DNAJC3: variants seen among roughly 807,000 people sequenced by gnomAD.
DNAJC3 encodes the protein dnaJ homolog subfamily C member 3.
Under a neutral mutation model 68.6 loss-of-function variants are expected in DNAJC3, and 38 were observed. The ratio of observed to expected loss-of-function variants is 0.55; its 90% CI spans 0.43 to 0.73. The LOEUF (loss-of-function observed/expected upper bound fraction) is 0.73. DNAJC3 is among the 30% of genes least tolerant of loss of function. The pLI is 0.00. For synonymous variants in DNAJC3, 203 were observed against 204.0 expected, an observed-to-expected ratio of 1.00 and a Z score of 0.04; for missense variants, 526 against 591.9, an observed-to-expected ratio of 0.89 and a Z score of 1.16.
intron 7 of DNAJC3, among the ~76,000 whole-genome samples, chr13:95,762,572 A>G (rs780923023): frequency 7.2e-5 from 11 of 152,204 alleles, no homozygotes; most frequent in Non-Finnish European, 1.2e-4. Flanking sequence ...AGCACTTGGG[A>G]CAAATACATC....
At chr13:95,681,497 T>A (rs528124958) in intron 1 of DNAJC3, among the ~76,000 whole-genome samples, 35 of 152,116 alleles carry the variant, frequency 2.3e-4, no homozygotes, top group Admixed American at 7.9e-4. Flanking sequence ...ACCACAGGTA[T>A]GCACCACTGC....
intron 4 of DNAJC3, among the ~76,000 whole-genome samples, chr13:95,737,056 T>G (rs893207809): frequency 2.0e-5 from 3 of 151,672 alleles, no homozygotes; most frequent in Non-Finnish European, 4.4e-5. Flanking sequence ...GTCAAAGGCT[T>G]TTTCTGCATC....
chr13:95,768,208 A>G (rs571375107), intron 9 of DNAJC3, among the ~76,000 whole-genome samples: 1 of 152,104 alleles, frequency 6.6e-6, no homozygotes, highest in East Asian at 1.9e-4. Context: ...TTTACTTTTT[A>G]CTCTACTTAT....
chr13:95,743,199 A>AT (rs1168875498), intron 4 of DNAJC3, among the ~76,000 whole-genome samples: 1 of 152,186 alleles, frequency 6.6e-6, no homozygotes, highest in Non-Finnish European at 1.5e-5. Context: ...TAAAAGAAAA[A>AT]CTTTTGAGAA....
At chr13:95,764,645 C>T (rs57957498) in intron 9 of DNAJC3, among the ~76,000 whole-genome samples, 5 of 56,526 alleles carry the variant, frequency 8.8e-5, no homozygotes, top group Non-Finnish European at 1.3e-4. Flanking sequence ...AAATAGAATC[C>T]ATATATATAT....
intron 7 of DNAJC3, among the ~76,000 whole-genome samples, chr13:95,763,428 C>T (rs1828602713): frequency 6.6e-6 from 1 of 152,210 alleles, no homozygotes; most frequent in South Asian, 2.1e-4. Flanking sequence ...TGTCCATCTG[C>T]ATCTCCTATG....
chr13:95,783,269 A>G (rs1346817784), intron 9 of DNAJC3, among the ~76,000 whole-genome samples: 1 of 152,248 alleles, frequency 6.6e-6, no homozygotes, highest in African/African-American at 2.4e-5. Flanking sequence ...GAAACAACCT[A>G]TAATTTTACA....
At chr13:95,705,963 C>A (rs1880729948) in intron 1 of DNAJC3, among the ~76,000 whole-genome samples, 1 of 152,128 alleles carries the variant, frequency 6.6e-6, no homozygotes, top group African/African-American at 2.4e-5. Flanking sequence ...TCTCTCTAAA[C>A]CTTTGGATCC....
chr13:95,764,707 CAT>C lies in DNAJC3; in HGVS notation c.1075+764_1075+765del, dbSNP rs1199317118. Among the ~76,000 whole-genome samples, 251 of 49,640 alleles carry C rather than the reference CAT, an allele frequency of 5.1e-3. 1 individual carries two copies. Among genetic ancestry groups the C allele is most frequent in the African/African-American group, 0.011 (154 of 13,510 alleles). 32.6% of individuals were successfully genotyped at this position (49,640 alleles called of 152,430 possible). A position where few individuals can be genotyped will look rare whatever the true frequency, so the allele number is the denominator to read the frequency against. ...ATACACACACACACATATATATATA[CAT>C]ATATATATACACATATATATATATA... On this transcript the variant is annotated intron_variant, in intron 9 of 11. Transcript: ENST00000602402.
chr13:95,718,241 CTTGTA>C (rs1272754304), intron 2 of DNAJC3, among the ~76,000 whole-genome samples: 1 of 152,190 alleles, frequency 6.6e-6, no homozygotes, highest in Non-Finnish European at 1.5e-5. Flanking sequence ...GTTATCCAGT[CTTGTA>C]TTGGTAAAAA....
At chr13:95,768,138 A>G (rs990137087) in intron 9 of DNAJC3, among the ~76,000 whole-genome samples, 1 of 151,980 alleles carries the variant, frequency 6.6e-6, no homozygotes, top group Non-Finnish European at 1.5e-5. Flanking sequence ...TGCCATTTGT[A>G]TATTTTCTTT....
chr13:95,718,487 C>T (rs1485605454), intron 2 of DNAJC3, among the ~76,000 whole-genome samples: 2 of 152,238 alleles, frequency 1.3e-5, no homozygotes, highest in African/African-American at 4.8e-5. Flanking sequence ...CTGCAACCTC[C>T]ACTTTTCGGG....
chr13:95,760,749 A>C lies in DNAJC3; in HGVS notation c.799A>C (p.Lys267Gln). ...TTTTGCACACTATAAACAAGTAAAG[A>C]AACTTAATAAGCTGATTGAGTCAGC... ...RCFAHYKQVK[K>Q]LNKLIESAEE... Residue 267 changes from lysine (K) to glutamine (Q), a missense_variant, in exon 7 of 12, where the codon AAA becomes CAA. By Grantham distance (53) the Lys-to-Gln change is moderately conservative. Transcript: ENST00000602402. 2 of 1,612,988 alleles carry C rather than the reference A, an allele frequency of 1.2e-6. No individual in the cohort carries two copies. The highest frequency in any genetic ancestry group is 1.7e-6 in the Non-Finnish European group (2 of 1,179,504).
At chr13:95,776,685 C>T (rs748079442) in intron 9 of DNAJC3, among the ~76,000 whole-genome samples, 1 of 152,172 alleles carries the variant, frequency 6.6e-6, no homozygotes, top group Non-Finnish European at 1.5e-5. Context: ...ATTTTGGCAA[C>T]ATCCATTAGT....
At chr13:95,784,537 T>G (rs1370947472) in intron 9 of DNAJC3, among the ~76,000 whole-genome samples, 7 of 152,198 alleles carry the variant, frequency 4.6e-5, no homozygotes, top group Admixed American at 2.6e-4. Flanking sequence ...AGAGTTTTTT[T>G]GGGGAACTAG....
intron 1 of DNAJC3, among the ~76,000 whole-genome samples, chr13:95,700,443 A>C (rs1880554717): frequency 1.3e-5 from 2 of 152,170 alleles, no homozygotes. Context: ...TCTGAGCCCC[A>C]AAATCTCTCT....
chr13:95,764,373 C>CTATATATA (rs1354797563), intron 9 of DNAJC3, among the ~76,000 whole-genome samples: 5 of 128,918 alleles, frequency 3.9e-5, no homozygotes, highest in African/African-American at 1.7e-4. Context: ...CTCTCTCTCT[C>CTATATATA]TCTATATATA....
chr13:95,731,099 A>C (rs943535117), intron 4 of DNAJC3, among the ~76,000 whole-genome samples: 1 of 151,762 alleles, frequency 6.6e-6, no homozygotes, highest in Non-Finnish European at 1.5e-5. Flanking sequence ...AGTTTAAGTG[A>C]TTTCATTATT....
intron 1 of DNAJC3, among the ~76,000 whole-genome samples, chr13:95,699,231 T>G (rs34152079): frequency 0.095 from 14,456 of 152,250 alleles, 764 homozygotes; most frequent in Middle Eastern, 0.15. Flanking sequence ...GAGGAAGTGA[T>G]ATTATCATAT....
Sources: allele counts gnomAD v4.1 joint callset (sites outside exome capture counted in the v4.1 genomes callset), GRCh38; gene constraint gnomAD v4.1.1; transcripts MANE v1.5; gene names NCBI Gene and HGNC (gene_info 2026-07-23, HGNC 2026-07-21).